CCDC3: variants seen among roughly 807,000 people sequenced by gnomAD.
CCDC3 encodes coiled-coil domain-containing protein 3.
A neutral mutation model predicts 21.4 loss-of-function variants in CCDC3; 24 were observed. That is an observed-to-expected ratio of 1.12 (90% confidence interval 0.81 to 1.58). CCDC3 has a LOEUF of 1.58. Ranked by LOEUF, CCDC3 falls within the 40% of genes most tolerant of loss-of-function variation. CCDC3 has a pLI of 0.00. For synonymous variants in CCDC3, 186 were observed against 166.0 expected (o/e 1.12, Z -0.93); for missense variants, 425 against 360.9 (o/e 1.18, Z -1.44).
At chr10:12,980,041 G>C (rs934297531) in intron 2 of CCDC3, among the ~76,000 whole-genome samples, 2 of 152,162 alleles carry the variant, frequency 1.3e-5, no homozygotes, top group African/African-American at 4.8e-5. Flanking sequence ...ATTTTCTTAG[G>C]AGATTCTTTT....
Position 12,992,408 on chromosome 10 carries a change from A to C in CCDC3, c.549+5930T>G, listed in dbSNP as rs1399280805. 2.6e-5 allele frequency among the ~76,000 whole-genome samples: 4 copies of C among 152,242 alleles called. No homozygotes were observed. In the East Asian group the frequency reaches 5.8e-4, roughly 22 times the overall value. Reference sequence around the variant, plus strand: ...CATCTCAAAAGAAACAAAACAAAACAAAACCAACAACTCCATTGAGATAAA... The same window carrying C: ...CATCTCAAAAGAAACAAAACAAAACCAAACCAACAACTCCATTGAGATAAA... On this transcript the variant is annotated intron_variant, in intron 2 of 2. Transcript: ENST00000378825.
At chr10:13,010,763 C>T (rs1020670334) in intron 5 of CCDC3, among the ~76,000 whole-genome samples, 1 of 152,202 alleles carries the variant, frequency 6.6e-6, no homozygotes, top group Non-Finnish European at 1.5e-5. Flanking sequence ...TTAAACACTA[C>T]TCATCAATAG....
intron 2 of CCDC3, among the ~76,000 whole-genome samples, chr10:12,945,105 A>G (rs559178561): frequency 1.3e-5 from 2 of 152,336 alleles, no homozygotes; most frequent in Non-Finnish European, 1.5e-5. Context: ...CACAATGAAA[A>G]AAATTATTCT....
At chr10:13,090,378 G>A (rs562546179) in intron 3 of CCDC3, among the ~76,000 whole-genome samples, 18 of 152,204 alleles carry the variant, frequency 1.2e-4, no homozygotes, top group Admixed American at 2.6e-4. Flanking sequence ...TTGAGCCACC[G>A]CACCTGGCCA....
At chr10:13,059,932 C>T (rs905768369) in intron 4 of CCDC3, among the ~76,000 whole-genome samples, 2 of 151,944 alleles carry the variant, frequency 1.3e-5, no homozygotes, top group Non-Finnish European at 2.9e-5. Flanking sequence ...ACTAAAAATA[C>T]GAAACTTAGC....
At chr10:13,061,421 C>A (rs1346712804) in intron 4 of CCDC3, among the ~76,000 whole-genome samples, 1 of 152,166 alleles carries the variant, frequency 6.6e-6, no homozygotes, top group South Asian at 2.1e-4. Flanking sequence ...CTGGGAGCAT[C>A]CCCTCTGGTC....
intron 2 of CCDC3, among the ~76,000 whole-genome samples, chr10:12,958,668 C>T (rs555664788): frequency 2.0e-5 from 3 of 152,292 alleles, no homozygotes; most frequent in Non-Finnish European, 2.9e-5. Context: ...CAGGACCAGG[C>T]CCAATTCCAG....
chr10:12,904,308 TA>T (rs1284272495), intron 2 of CCDC3, among the ~76,000 whole-genome samples: 1 of 150,516 alleles, frequency 6.6e-6, no homozygotes, highest in Non-Finnish European at 1.5e-5. Flanking sequence ...CTCTAAAAAA[TA>T]AAAATAAAAA....
At chr10:12,980,396 C>G (rs756741383) in intron 2 of CCDC3, among the ~76,000 whole-genome samples, 1 of 152,178 alleles carries the variant, frequency 6.6e-6, no homozygotes, top group African/African-American at 2.4e-5. Context: ...TCACAGGCTG[C>G]GCTTATTCTA....
At chr10:13,016,334 G>GAAA (rs72075391) in intron 5 of CCDC3, among the ~76,000 whole-genome samples, 4 of 78,370 alleles carry the variant, frequency 5.1e-5, no homozygotes, top group African/African-American at 1.1e-4. Context: ...TTGGTAAAGC[G>GAAA]AAAAAAAAAA....
At chr10:12,957,627 G>A (rs1031909685) in intron 2 of CCDC3, among the ~76,000 whole-genome samples, 9 of 152,120 alleles carry the variant, frequency 5.9e-5, no homozygotes, top group African/African-American at 1.2e-4. Context: ...CCGTCCTCAC[G>A]ATAGTGAGAG....
chr10:12,984,016 G>A (rs909575509), intron 2 of CCDC3, among the ~76,000 whole-genome samples: 10 of 152,212 alleles, frequency 6.6e-5, no homozygotes, highest in Admixed American at 3.9e-4. Context: ...GGAGACAGAG[G>A]CTGCATTGAG....
At chr10:13,074,760 T>C (rs1418976955) in intron 3 of CCDC3, among the ~76,000 whole-genome samples, 1 of 152,170 alleles carries the variant, frequency 6.6e-6, no homozygotes, top group African/African-American at 2.4e-5. Context: ...CTGGGTGCTG[T>C]TTTACTCAGC....
chr10:13,008,150 G>T (rs1374373521), intron 5 of CCDC3, among the ~76,000 whole-genome samples: 1 of 152,216 alleles, frequency 6.6e-6, no homozygotes, highest in Non-Finnish European at 1.5e-5. Context: ...GGCAGCATTT[G>T]CAGAGACTCA....
At chr10:13,091,367 GA>G (rs1832567721) in intron 3 of CCDC3, among the ~76,000 whole-genome samples, 1 of 152,128 alleles carries the variant, frequency 6.6e-6, no homozygotes, top group Admixed American at 6.5e-5. Context: ...GTGCCCTCAT[GA>G]AAGAGACCCC....
chr10:12,993,390 G>A (rs1835707830), intron 2 of CCDC3, among the ~76,000 whole-genome samples: 1 of 152,134 alleles, frequency 6.6e-6, no homozygotes, highest in South Asian at 2.1e-4. Context: ...TACAAGTTGA[G>A]CTTAGAGAAG....
intron 2 of CCDC3, among the ~76,000 whole-genome samples, chr10:12,976,963 T>C (rs931455119): frequency 1.3e-5 from 2 of 152,178 alleles, no homozygotes; most frequent in African/African-American, 4.8e-5. Context: ...AAGCTCAGAA[T>C]GGTGTCCCCC....
chr10:13,066,694 G>A (rs1836823223), intron 4 of CCDC3, among the ~76,000 whole-genome samples: 1 of 148,716 alleles, frequency 6.7e-6, no homozygotes, highest in Non-Finnish European at 1.5e-5. Flanking sequence ...TTGTGCAGAT[G>A]AGGGAACCTG....
At chr10:13,051,536 A>T (rs575559754) in intron 4 of CCDC3, among the ~76,000 whole-genome samples, 2 of 152,312 alleles carry the variant, frequency 1.3e-5, no homozygotes, top group African/African-American at 4.8e-5. Context: ...GGCAGCTGTC[A>T]CTACTATTAC....
Sources: allele counts gnomAD v4.1 joint callset (sites outside exome capture counted in the v4.1 genomes callset), GRCh38; gene constraint gnomAD v4.1.1; transcripts MANE v1.5; gene names NCBI Gene and HGNC (gene_info 2026-07-23, HGNC 2026-07-21).